TNFRSF1B: variants seen among roughly 807,000 people sequenced by gnomAD.
The protein encoded by TNFRSF1B is tumor necrosis factor receptor superfamily member 1B.
TNFRSF1B carries 19 observed loss-of-function variants against 44.6 expected under a neutral mutation model. That is an observed-to-expected ratio of 0.43 (90% CI 0.30 to 0.62). TNFRSF1B has a LOEUF of 0.62. Ranked by LOEUF, TNFRSF1B falls within the 20% of genes least tolerant of loss-of-function variation. The pLI is 0.16. For missense variants in TNFRSF1B, 541 were observed against 619.9 expected, an observed-to-expected ratio of 0.87 and a Z score of 1.35; for synonymous variants, 252 against 261.1, an observed-to-expected ratio of 0.97 and a Z score of 0.34.
chr1:12,191,911 G>A lies in TNFRSF1B; in HGVS notation c.445G>A (p.Val149Met), dbSNP rs1318990629. 2 of 1,609,054 alleles carry A rather than the reference G, an allele frequency of 1.2e-6. No homozygotes were observed. The highest frequency in any genetic ancestry group is 2.2e-5 in the East Asian group (1 of 44,810). Residue 149 changes from valine to methionine, a missense_variant, in exon 4 of 10, where the codon GTG becomes ATG. Physicochemically the swap from Val to Met is conservative, Grantham distance 21. Coordinates refer to ENST00000376259, the MANE Select transcript of TNFRSF1B (RefSeq NM_001066.3). ...PLRKCRPGFG[V>M]ARPGTETSDV... Reference sequence around the variant, plus strand: ...GCGCAAGTGCCGCCCGGGCTTCGGCGTGGCCAGACCAGGTACGGGGTGGGG... The same window carrying A: ...GCGCAAGTGCCGCCCGGGCTTCGGCATGGCCAGACCAGGTACGGGGTGGGG...
rs1451719617 is a variant in TNFRSF1B, at chr1:12,186,638, A to G, written c.79-2158A>G. Among the ~76,000 whole-genome samples, 2 of 152,188 alleles carry G rather than the reference A, an allele frequency of 1.3e-5. No individual in the cohort carries two copies. The highest frequency in any genetic ancestry group is 2.9e-5 in the Non-Finnish European group (2 of 68,026). Reference sequence around the variant, plus strand: ...GTTCTTTCTGACTCCCTGTATCCTTATCTATGGAGAGGCCCCATGACTCGT... The same window carrying G: ...GTTCTTTCTGACTCCCTGTATCCTTGTCTATGGAGAGGCCCCATGACTCGT... On this transcript the variant is annotated intron_variant, in intron 1 of 9. Transcript: ENST00000376259. The surrounding 1 kb of genome is among the most constrained non-coding windows in gnomAD (Gnocchi z 4.8).
chr1:12,202,316 C>G (rs1027559498), intron 9 of TNFRSF1B, 145 bp downstream of exon 9: 1 of 1,317,620 alleles, frequency 7.6e-7, no homozygotes, highest in African/African-American at 1.5e-5. Flanking sequence ...TTCGCTGAAC[C>G]TAAGTTCCCT....
intron 1 of TNFRSF1B, among the ~76,000 whole-genome samples, chr1:12,185,103 T>A (rs1638952167): frequency 6.7e-6 from 1 of 148,848 alleles, no homozygotes; most frequent in Admixed American, 6.6e-5. Context: ...CCGCAGTTAG[T>A]ATTCGATGGA....
rs573081230 is a variant in TNFRSF1B, at chr1:12,182,388, C to T, written c.79-6408C>T. Among the ~76,000 whole-genome samples the T allele has an allele frequency of 4.6e-5, 7 of 152,320 alleles. No homozygotes were observed. The East Asian group carries it at 5.8e-4, about 13-fold the overall frequency. On this transcript the variant is annotated intron_variant, in intron 1 of 9. Transcript: ENST00000376259. ...TGCCAAGGGCATCTCCCTGTCTCCCCGGCCCCGCACCTTGTGTCACCCTTT... is the reference window on the plus strand; with the variant it reads ...TGCCAAGGGCATCTCCCTGTCTCCCTGGCCCCGCACCTTGTGTCACCCTTT...
intron 8 of TNFRSF1B, among the ~76,000 whole-genome samples, chr1:12,200,167 G>C (rs75369812): frequency 0.019 from 2,833 of 152,184 alleles, 33 homozygotes; most frequent in Non-Finnish European, 0.026. Flanking sequence ...ACAAAGCAAG[G>C]ATAACACTGG....
Position 12,201,947 on chromosome 1 carries a change from A to ACCAC in TNFRSF1B, c.901-17_901-14dup, listed in dbSNP as rs762213065. On this transcript the variant is annotated intron_variant, in intron 8 of 9. Transcript: ENST00000376259. The stretch of plus-strand genomic sequence containing the variant: ...GCTGGTGGGCTGACTGCTCTCCCCT[A>ACCAC]CCACCCCCTGCCCATCCAGCCTCAC... 2 of 1,584,828 alleles carry ACCAC rather than the reference A, an allele frequency of 1.3e-6. No individual in the cohort carries two copies. The highest frequency in any genetic ancestry group is 1.7e-6 in the Non-Finnish European group (2 of 1,163,740).
At chr1:12,184,425 G>A (rs1390397309) in intron 1 of TNFRSF1B, among the ~76,000 whole-genome samples, 1 of 152,134 alleles carries the variant, frequency 6.6e-6, no homozygotes, top group Non-Finnish European at 1.5e-5. Flanking sequence ...CCAGCTACTG[G>A]GGGCTGGAGG....
In TNFRSF1B at chr1:12,168,188, C is replaced by T. The variant is rs900278766; in HGVS notation, c.78+1019C>T. On this transcript the variant is annotated intron_variant, in intron 1 of 9. Transcript: ENST00000376259. This position sits in a 1 kb window ranked among gnomAD's most constrained non-coding sequence, Gnocchi z 4.7. ...GCCCTGAGGCTGCGGGGAAGGTGGG[C>T]GTTCATCCTTCCTCAGAGCCGCCCC... Among the ~76,000 whole-genome samples the T allele has an allele frequency of 6.6e-6, 1 of 152,198 alleles. No individual in the cohort carries two copies. Among genetic ancestry groups the T allele is most frequent in the African/African-American group, 2.4e-5 (1 of 41,438 alleles).
chr1:12,193,561 G>A (rs1639199215), intron 6 of TNFRSF1B, among the ~76,000 whole-genome samples: 1 of 152,184 alleles, frequency 6.6e-6, no homozygotes. Flanking sequence ...CAATGAGTGA[G>A]GTCCTATCTC....
In TNFRSF1B at chr1:12,206,747, C is replaced by T. The variant is rs781014897; in HGVS notation, c.1113C>T (p.Ser371=). 18 of 1,588,154 alleles carry T rather than the reference C, an allele frequency of 1.1e-5. No individual in the cohort carries two copies. Among genetic ancestry groups the T allele is most frequent in the Non-Finnish European group, 1.5e-5 (17 of 1,162,284 alleles). The part of the protein sequence containing the change: ...ARASTGSSDS[S]PGGHGTQVNV... ...CCATCTTGTGCTTAGCAGATTCTTC[C>T]CCTGGTGGCCATGGGACCCAGGTCA... The change falls in exon 10 of 10, where the codon TCC becomes TCT. Residue 371 remains serine, a synonymous_variant. Transcript: ENST00000376259.
chr1:12,190,829 A>C, intron 2 of TNFRSF1B, 128 bp from the exon 3 acceptor site: 2 of 1,101,656 alleles, frequency 1.8e-6, no homozygotes, highest in South Asian at 3.2e-5. Context: ...ATTCTGAGGA[A>C]TTGGAACTCC....
Position 12,207,346 on chromosome 1 carries a change from G to A in TNFRSF1B, c.*326G>A, listed in dbSNP as rs755156523. ...GCTGCACCTGCCAGCCTGGCTTCTG[G>A]AGCCCTTGGGTTTTTTGTTTGTTTG... On this transcript the variant is annotated 3_prime_UTR_variant, in exon 10 of 10. Transcript: ENST00000376259. 1 of 333,608 alleles carries A rather than the reference G, an allele frequency of 3.0e-6. No homozygotes were observed. Among genetic ancestry groups the A allele is most frequent in the Non-Finnish European group, 5.4e-6 (1 of 184,932 alleles). The allele number at this position is 333,608 out of a possible 1,614,324, so 20.7% of individuals were successfully genotyped here.
In TNFRSF1B at chr1:12,174,154, T is replaced by TTCTC. The variant is rs1557623641; in HGVS notation, c.78+6985_78+6986insTCTC. The stretch of plus-strand genomic sequence containing the variant: ...TTCTTCTTCTTCTTCTTCTTCTTCT[T>TTCTC]CTTCTTCTTCTCCTTCTCCTTCTCC... On this transcript the variant is annotated intron_variant, in intron 1 of 9. Transcript: ENST00000376259. 1.4e-3 allele frequency among the ~76,000 whole-genome samples: 100 copies of TTCTC among 73,972 alleles called. 3 individuals carry two copies. Among genetic ancestry groups the TTCTC allele is most frequent in the Admixed American group, 6.5e-3 (46 of 7,048 alleles). The allele number at this position is 73,972 out of a possible 152,430, so 48.5% of individuals were successfully genotyped here. A position where few individuals can be genotyped will look rare whatever the true frequency, so the allele number is the denominator to read the frequency against.
chr1:12,193,675 C>G (rs578177166), intron 6 of TNFRSF1B, among the ~76,000 whole-genome samples: 1 of 152,296 alleles, frequency 6.6e-6, no homozygotes, highest in East Asian at 1.9e-4. Context: ...TCTGATGAGC[C>G]CATTAGGCTA....
rs1195082966 is a variant in TNFRSF1B at position 12,186,447 on chromosome 1, C to G, written c.79-2349C>G. 6.6e-6 allele frequency among the ~76,000 whole-genome samples: 1 copy of G among 152,220 alleles called. No individual in the cohort carries two copies. The highest frequency in any genetic ancestry group is 1.5e-5 in the Non-Finnish European group (1 of 68,034). On this transcript the variant is annotated intron_variant, in intron 1 of 9. Transcript: ENST00000376259. The surrounding 1 kb of genome is among the most constrained non-coding windows in gnomAD (Gnocchi z 4.8). The stretch of plus-strand genomic sequence containing the variant: ...ACTGGTGTCTGCTCTGACTGGCTTG[C>G]TGACAGCTGAAGTCCAGGATAGGTC...
At chr1:12,205,426 T>G (rs1639480666) in intron 9 of TNFRSF1B, among the ~76,000 whole-genome samples, 1 of 151,894 alleles carries the variant, frequency 6.6e-6, no homozygotes, top group African/African-American at 2.4e-5. Flanking sequence ...GACTGTGGGT[T>G]TTTGAGCCCC....
chr1:12,170,757 C>T (rs1638503945), intron 1 of TNFRSF1B, among the ~76,000 whole-genome samples: 1 of 151,556 alleles, frequency 6.6e-6, no homozygotes, highest in African/African-American at 2.4e-5. Flanking sequence ...CCATCTGCCT[C>T]TTGGGTTCAA....
At chr1:12,183,867 C>A (rs1638914550) in intron 1 of TNFRSF1B, among the ~76,000 whole-genome samples, 1 of 151,884 alleles carries the variant, frequency 6.6e-6, no homozygotes, top group Non-Finnish European at 1.5e-5. Context: ...ACCTACCTAC[C>A]TACATATCTA....
Position 12,206,954 on chromosome 1 carries a change from G to C in TNFRSF1B, c.1320G>C (p.Leu440=). ...CACAGCTGGAGACGCCAGAGACCCT[G>C]CTGGGGAGCACCGAAGAGAAGCCCC... ...FRSQLETPET[L]LGSTEEKPLP... is the part of the protein sequence containing the mutation. Residue 440 remains leucine (L), a synonymous_variant, in exon 10 of 10, where the codon CTG becomes CTC. Coordinates refer to ENST00000376259, the MANE Select transcript of TNFRSF1B (RefSeq NM_001066.3). The C allele has an allele frequency of 1.9e-6, 3 of 1,613,092 alleles. No individual in the cohort carries two copies. The South Asian group carries it at 3.3e-5, about 18-fold the overall frequency.
Sources: gnomAD v4.1 joint callset for allele counts (sites outside exome capture counted in the v4.1 genomes callset) on GRCh38, gnomAD v4.1.1 for gene constraint, Gnocchi (gnomAD v3.1) non-coding constraint, MANE v1.5 for transcripts, NCBI Gene and HGNC (gene_info 2026-07-23, HGNC 2026-07-21) for gene names.